TRIM5: variants seen among roughly 807,000 people sequenced by gnomAD.
TRIM5 encodes tripartite motif containing 5, also known as tripartite motif-containing protein 5.
Under a neutral mutation model 35.6 loss-of-function variants are expected in TRIM5, and 31 were observed. The ratio of observed to expected loss-of-function variants is 0.87; its 90% CI spans 0.65 to 1.18. TRIM5 has a LOEUF of 1.18. Ranked by LOEUF, TRIM5 falls within the 50% of genes most tolerant of loss-of-function variation. The pLI is 0.00. For missense variants in TRIM5, 609 were observed against 591.6 expected (o/e 1.03, Z -0.31); for synonymous variants, 243 against 215.6 (o/e 1.13, Z -1.11).
At position 5,679,060 on chromosome 11, in the gene TRIM5, C is replaced by T. The variant is rs781702061; in HGVS notation, c.513+14G>A. The T allele has an allele frequency of 1.6e-5, 26 of 1,610,826 alleles. No individual in the cohort carries two copies. Among genetic ancestry groups the T allele is most frequent in the Non-Finnish European group, 2.2e-5 (26 of 1,177,342 alleles). On this transcript the variant is annotated intron_variant, in intron 3 of 7. Transcript: ENST00000380034. The stretch of plus-strand genomic sequence containing the variant: ...GATTTCTAGCTAACTCCTTCGGGAA[C>T]CACATCCTCTTGCCTTCCAGGAAGC...
chr11:5,678,186 C>G lies in TRIM5; in HGVS notation c.744+18G>C. On this transcript the variant is annotated intron_variant, in intron 4 of 7. Transcript: ENST00000380034. ...CTTTTCTTTAATCTCAGTGCTCAGG[C>G]TTCTTTCCACTTTTTACCTGAAGCA... is the stretch of plus-strand genomic sequence containing the variant. The G allele has an allele frequency of 6.3e-7, 1 of 1,590,442 alleles. No individual in the cohort carries two copies. Among genetic ancestry groups the G allele is most frequent in the Non-Finnish European group, 8.6e-7 (1 of 1,164,636 alleles).
At chr11:5,666,107 ACTTC>A in intron 5 of TRIM5, 26 bp from the exon 6 acceptor site, 6 of 1,502,146 alleles carry the variant, frequency 4.0e-6, no homozygotes, top group Non-Finnish European at 5.5e-6. Flanking sequence ...AAAAAAAAAA[ACTTC>A]CAAACCTTTG....
At position 5,678,571 on chromosome 11, in the gene TRIM5, C is replaced by T. The variant is rs3740994; in HGVS notation, c.514-137G>A. The T allele has an allele frequency of 2.3e-4, 144 of 615,070 alleles. No homozygotes were observed. In the East Asian group the frequency reaches 4.0e-3, roughly 17 times the overall value. 38.1% of individuals were successfully genotyped at this position (615,070 alleles called of 1,614,324 possible). A position where few individuals can be genotyped will look rare whatever the true frequency, so the allele number is the denominator to read the frequency against. ...AGGAGAGTAGGTCTTAGGAAAGCTG[C>T]CTTTTCCTATTTCTTTTCCTTCATG... On this transcript the variant is annotated intron_variant, in intron 3 of 7. Transcript: ENST00000380034.
the TRIM5 span, among the ~76,000 whole-genome samples, chr11:5,592,180 T>C: frequency 0.19 from 29,428 of 152,148 alleles, 2,965 homozygotes; most frequent in Middle Eastern, 0.31. Context: ...TTCTTCAAAT[T>C]GACTAGAATG....
chr11:5,605,675 AT>A, the TRIM5 span: 1 of 1,344,660 alleles, frequency 7.4e-7, no homozygotes, highest in Non-Finnish European at 9.9e-7. Flanking sequence ...AAGAGAAAAC[AT>A]TCCTTTGGCG....
At chr11:5,595,648 G>C in the TRIM5 span, among the ~76,000 whole-genome samples, 1 of 151,934 alleles carries the variant, frequency 6.6e-6, no homozygotes, top group Non-Finnish European at 1.5e-5. Flanking sequence ...CTGGCCTGGT[G>C]TTCTCAAAGG....
chr11:5,638,215 A>AT, the TRIM5 span, among the ~76,000 whole-genome samples: 1 of 152,222 alleles, frequency 6.6e-6, no homozygotes, highest in Admixed American at 6.5e-5. Context: ...AGAAAATAAT[A>AT]TCAGTGAAGA....
the TRIM5 span, among the ~76,000 whole-genome samples, chr11:5,623,573 G>A: frequency 6.7e-6 from 1 of 150,292 alleles, no homozygotes; most frequent in African/African-American, 2.5e-5. Flanking sequence ...TAGAGACGGG[G>A]GTTTCACCAT....
intron 4 of TRIM5, among the ~76,000 whole-genome samples, chr11:5,669,033 C>A (rs1851355453): frequency 6.6e-6 from 1 of 150,668 alleles, no homozygotes; most frequent in Admixed American, 6.6e-5. Context: ...CTAAAAACTA[C>A]ATTTACTCTG....
the TRIM5 span, among the ~76,000 whole-genome samples, chr11:5,625,352 T>G: frequency 6.6e-6 from 1 of 152,178 alleles, no homozygotes; most frequent in South Asian, 2.1e-4. Flanking sequence ...ATAATTTTGA[T>G]TTTCTACCTT....
At chr11:5,643,947 A>G in the TRIM5 span, 228 of 541,220 alleles carry the variant, frequency 4.2e-4, no homozygotes, top group Middle Eastern at 2.8e-3. Flanking sequence ...CAGTATGGGT[A>G]TAACATCCTT....
At chr11:5,634,574 C>A in the TRIM5 span, 1 of 1,503,274 alleles carries the variant, frequency 6.7e-7, no homozygotes, top group South Asian at 1.3e-5. Context: ...TAATCCCTTG[C>A]ACAATAGGCC....
At chr11:5,603,038 T>C in the TRIM5 span, among the ~76,000 whole-genome samples, 1 of 152,062 alleles carries the variant, frequency 6.6e-6, no homozygotes, top group Non-Finnish European at 1.5e-5. Flanking sequence ...CTCTATTCAA[T>C]AGGAGCAAGA....
chr11:5,603,635 G>C, the TRIM5 span: 11 of 1,613,526 alleles, frequency 6.8e-6, no homozygotes, highest in Non-Finnish European at 7.6e-6. Flanking sequence ...CAGCTCTTCT[G>C]TCAGGAGGAT....
the TRIM5 span, chr11:5,612,919 C>T: frequency 2.6e-5 from 4 of 152,132 alleles, no homozygotes; most frequent in Non-Finnish European, 5.9e-5. Context: ...TATGTTGGCT[C>T]TATTGGATTA....
chr11:5,665,194 G>A lies in TRIM5; in HGVS notation c.1097C>T (p.Ser366Phe), dbSNP rs763071709. 1 of 1,614,048 alleles carries A rather than the reference G, an allele frequency of 6.2e-7. No homozygotes were observed. Among genetic ancestry groups the A allele is most frequent in the Non-Finnish European group, 8.5e-7 (1 of 1,179,996 alleles). The change falls in exon 8 of 8, where the codon TCC becomes TTC. Residue 366 changes from serine to phenylalanine, a missense_variant. Ser to Phe is a radical substitution (Grantham distance 155, BLOSUM62 -2). Coordinates refer to ENST00000380034, the MANE Select transcript of TRIM5 (RefSeq NM_033034.3). ...CCCCAGGATCCAAGCAGTTTTCTTG[G>A]ACACGTCTACCTCCCAGTAATGTTT... ...SGKHYWEVDV[S>F]KKTAWILGVC... is the part of the protein sequence containing the mutation.
chr11:5,682,323 C>A (rs1303027784), intron 1 of TRIM5, among the ~76,000 whole-genome samples: 1 of 152,028 alleles, frequency 6.6e-6, no homozygotes, highest in East Asian at 2.0e-4. Flanking sequence ...GCTTCTCCTG[C>A]TCTTCGTATC....
the TRIM5 span, among the ~76,000 whole-genome samples, chr11:5,615,689 G>A: frequency 6.6e-6 from 1 of 151,778 alleles, no homozygotes; most frequent in Non-Finnish European, 1.5e-5. Flanking sequence ...TGCCTCCTGG[G>A]TTTAAGTGAT....
At chr11:5,596,804 T>C in the TRIM5 span, 1 of 1,604,278 alleles carries the variant, frequency 6.2e-7, no homozygotes, top group Non-Finnish European at 8.5e-7. Context: ...GCTCTGTTCC[T>C]TAAGATTAGT....
Sources: allele counts gnomAD v4.1 joint callset (sites outside exome capture counted in the v4.1 genomes callset), GRCh38; gene constraint gnomAD v4.1.1; transcripts MANE v1.5; gene names NCBI Gene and HGNC (gene_info 2026-07-23, HGNC 2026-07-21).